Variants in PARD3B observed in about 807,000 individuals in gnomAD.
PARD3B encodes the protein partitioning defective 3 homolog B.
Under a neutral mutation model 130.2 loss-of-function variants are expected in PARD3B, and 103 were observed. The ratio of observed to expected loss-of-function variants is 0.79; its 90% CI spans 0.67 to 0.93. The LOEUF (loss-of-function observed/expected upper bound fraction) is 0.93. Ranked by LOEUF, PARD3B falls within the 40% of genes least tolerant of loss-of-function variation. The probability of loss-of-function intolerance (pLI) is 0.00; values close to 1 mark genes in which losing one functional copy is unlikely to be tolerated. For synonymous variants in PARD3B, 583 were observed against 553.2 expected (o/e 1.05, Z -0.76); for missense variants, 1,609 against 1,499.2 (o/e 1.07, Z -1.21).
At chr2:205,523,225 GTATATATATATA>G (rs906912640) in intron 21 of PARD3B, among the ~76,000 whole-genome samples, 12 of 142,958 alleles carry the variant, frequency 8.4e-5, no homozygotes, top group African/African-American at 2.6e-4. Context: ...GTGTGTGTGT[GTATATATATATA>G]TATATTTATA....
chr2:204,607,886 A>C (rs1007452354), intron 1 of PARD3B, among the ~76,000 whole-genome samples: 4 of 152,156 alleles, frequency 2.6e-5, no homozygotes, highest in African/African-American at 9.7e-5. Flanking sequence ...TGTTCATGTA[A>C]ATTGTAATCC....
chr2:204,866,836 A>G (rs1223929363), intron 2 of PARD3B, among the ~76,000 whole-genome samples: 1 of 152,114 alleles, frequency 6.6e-6, no homozygotes, highest in Non-Finnish European at 1.5e-5. Context: ...TGGGAGGCTG[A>G]GGCGGGTGTA....
At chr2:204,920,447 A>G (rs1334836411) in intron 2 of PARD3B, among the ~76,000 whole-genome samples, 3 of 152,164 alleles carry the variant, frequency 2.0e-5, no homozygotes, top group African/African-American at 4.8e-5. Context: ...GTACACAACC[A>G]TGGCCTTATG....
chr2:204,920,427 C>T (rs1166425753), intron 2 of PARD3B, among the ~76,000 whole-genome samples: 1 of 152,088 alleles, frequency 6.6e-6, no homozygotes, highest in Admixed American at 6.5e-5. Flanking sequence ...CCTTTTGGAG[C>T]GAAATCTGAG....
At chr2:204,856,834 A>T (rs930804662) in intron 2 of PARD3B, among the ~76,000 whole-genome samples, 1 of 152,116 alleles carries the variant, frequency 6.6e-6, no homozygotes. Context: ...ATAATTTACT[A>T]TAAATACTTA....
At chr2:204,930,226 T>G (rs1687930785) in intron 2 of PARD3B, among the ~76,000 whole-genome samples, 1 of 151,888 alleles carries the variant, frequency 6.6e-6, no homozygotes, top group Non-Finnish European at 1.5e-5. Flanking sequence ...TTTCATTTTC[T>G]ATCTAACATT....
intron 2 of PARD3B, among the ~76,000 whole-genome samples, chr2:204,820,375 C>A (rs531177600): frequency 9.2e-5 from 14 of 151,818 alleles, no homozygotes; most frequent in Non-Finnish European, 1.8e-4. Context: ...CCATGCCCAT[C>A]CTAAACAACA....
chr2:205,277,205 A>G (rs1471126079), intron 16 of PARD3B, among the ~76,000 whole-genome samples: 1 of 152,244 alleles, frequency 6.6e-6, no homozygotes, highest in African/African-American at 2.4e-5. Context: ...CAAAAAGCTT[A>G]GCAAGGAAGA....
intron 4 of PARD3B, among the ~76,000 whole-genome samples, chr2:205,076,455 G>C (rs1414018952): frequency 6.6e-6 from 1 of 152,032 alleles, no homozygotes; most frequent in Non-Finnish European, 1.5e-5. Flanking sequence ...CATACTTCAG[G>C]TTCAATGTAT....
At chr2:205,448,751 T>G (rs1434614420) in intron 20 of PARD3B, among the ~76,000 whole-genome samples, 1 of 152,202 alleles carries the variant, frequency 6.6e-6, no homozygotes, top group African/African-American at 2.4e-5. Flanking sequence ...CAGTTAGCTA[T>G]TAATCTAGTC....
Position 204,980,057 on chromosome 2 carries a change from A to T in PARD3B, c.394+14734A>T, listed in dbSNP as rs77608074. Among the ~76,000 whole-genome samples the T allele has an allele frequency of 7.4e-3, 1,127 of 152,334 alleles. 19 individuals carry two copies. The highest frequency in any genetic ancestry group is 0.025 in the African/African-American group (1,054 of 41,568). On this transcript the variant is annotated intron_variant, in intron 3 of 22. Coordinates refer to ENST00000406610, the MANE Select transcript of PARD3B (RefSeq NM_001302769.2). ...AAAAGAAAAGCCATAGATTCTATGA[A>T]GAAATTTTAACACATCTGTCTGACA...
At chr2:204,806,155 G>A (rs975896705) in intron 2 of PARD3B, among the ~76,000 whole-genome samples, 1 of 151,972 alleles carries the variant, frequency 6.6e-6, no homozygotes, top group Non-Finnish European at 1.5e-5. Flanking sequence ...AATTCATGTG[G>A]AACCACAAAC....
At chr2:205,039,177 G>T (rs889759278) in intron 3 of PARD3B, among the ~76,000 whole-genome samples, 3 of 152,040 alleles carry the variant, frequency 2.0e-5, no homozygotes, top group African/African-American at 7.2e-5. Flanking sequence ...AAGAGAAAAT[G>T]TAGTTGCCTC....
At position 204,900,527 on chromosome 2, in the gene PARD3B, A is replaced by G. The variant is rs186238080; in HGVS notation, c.223-64625A>G. ...GGTTTTTGAATTCCTTCTCTGTGTT[A>G]TCTTGAATTTCATTGAGTTTCCTCA... On this transcript the variant is annotated intron_variant, in intron 2 of 22. Coordinates refer to ENST00000406610, the MANE Select transcript of PARD3B (RefSeq NM_001302769.2). Among the ~76,000 whole-genome samples the G allele has an allele frequency of 6.2e-4, 94 of 152,244 alleles. 1 individual carries two copies. The highest frequency in any genetic ancestry group is 2.2e-3 in the African/African-American group (91 of 41,548).
intron 5 of PARD3B, among the ~76,000 whole-genome samples, chr2:205,106,479 G>GTA (rs1245454899): frequency 8.3e-6 from 1 of 120,664 alleles, no homozygotes; most frequent in African/African-American, 3.1e-5. Flanking sequence ...GTTAAGAAAT[G>GTA]TATGTGTGTG....
chr2:205,010,108 G>T (rs554577767), intron 3 of PARD3B, among the ~76,000 whole-genome samples: 83 of 152,240 alleles, frequency 5.5e-4, no homozygotes, highest in Non-Finnish European at 1.0e-3. Flanking sequence ...CAACAATACT[G>T]TTAACAAGCT....
At chr2:204,904,785 C>G (rs1408230040) in intron 2 of PARD3B, among the ~76,000 whole-genome samples, 3 of 151,970 alleles carry the variant, frequency 2.0e-5, no homozygotes, top group African/African-American at 7.2e-5. Context: ...AAAAGGACAT[C>G]ACTACATGTC....
intron 2 of PARD3B, among the ~76,000 whole-genome samples, chr2:204,873,513 G>C (rs2045718285): frequency 6.6e-6 from 1 of 152,146 alleles, no homozygotes. Context: ...TTTTGTGCCA[G>C]ACACTCTTTT....
intron 2 of PARD3B, among the ~76,000 whole-genome samples, chr2:204,749,311 T>A (rs955004028): frequency 1.3e-5 from 2 of 152,210 alleles, no homozygotes; most frequent in Admixed American, 1.3e-4. Flanking sequence ...GCCTTACATA[T>A]CAATTTTTTG....
Sources: allele counts gnomAD v4.1 joint callset (sites outside exome capture counted in the v4.1 genomes callset), GRCh38; gene constraint gnomAD v4.1.1; transcripts MANE v1.5; gene names NCBI Gene and HGNC (gene_info 2026-07-23, HGNC 2026-07-21).